DCAF5: variants seen among roughly 807,000 people sequenced by gnomAD.
The protein encoded by DCAF5 is DDB1 and CUL4 associated factor 5, also known as DDB1- and CUL4-associated factor 5.
Under a neutral mutation model 80.7 loss-of-function variants are expected in DCAF5, and 9 were observed. That is an observed-to-expected ratio of 0.11 (90% confidence interval 0.07 to 0.19). The LOEUF is 0.19. Ranked by LOEUF, DCAF5 falls within the 10% of genes least tolerant of loss-of-function variation. DCAF5 has a pLI of 1.00. For synonymous variants in DCAF5, 433 were observed against 461.9 expected, an observed-to-expected ratio of 0.94 and a Z score of 0.80; for missense variants, 842 against 1,205.7, an observed-to-expected ratio of 0.70 and a Z score of 4.47.
At chr14:69,104,734 G>A (rs117870589) in intron 5 of DCAF5, among the ~76,000 whole-genome samples, 12,364 of 152,080 alleles carry the variant, frequency 0.081, 711 homozygotes, top group Non-Finnish European at 0.12. Context: ...GCGGGCGCCT[G>A]TAATCCCAGC....
Position 69,055,899 on chromosome 14 carries a change from A to C in DCAF5, c.1075-288T>G, listed in dbSNP as rs183611040. The stretch of plus-strand genomic sequence containing the variant: ...TCCTGTCTCTTGGCCCAGGGTAATC[A>C]CATACTTTCTCCACCAGAATCTTCC... On this transcript the variant is annotated intron_variant, in intron 8 of 8. Transcript: ENST00000341516. This position sits in a 1 kb window ranked among gnomAD's most constrained non-coding sequence, Gnocchi z 5.6. Among the ~76,000 whole-genome samples, 1 of 152,328 alleles carries C rather than the reference A, an allele frequency of 6.6e-6. No homozygotes were observed. The highest frequency in any genetic ancestry group is 1.9e-4 in the East Asian group (1 of 5,182).
At position 69,051,468 on chromosome 14, in the gene DCAF5, T is replaced by C. The variant is rs1444338191; in HGVS notation, c.*2389A>G. ...GCATTTCTCACCCTGCTCATGTGTG[T>C]GTCTTATGGGGCCTATCACCCGGTA... On this transcript the variant is annotated 3_prime_UTR_variant, in exon 9 of 9. Transcript: ENST00000341516. The C allele has an allele frequency of 6.6e-6, 1 of 152,182 alleles. No individual in the cohort carries two copies. Among genetic ancestry groups the C allele is most frequent in the African/African-American group, 2.4e-5 (1 of 41,440 alleles). 9.4% of individuals were successfully genotyped at this position (152,182 alleles called of 1,614,324 possible).
At chr14:69,099,896 A>G (rs1343883358) in intron 5 of DCAF5, among the ~76,000 whole-genome samples, 1 of 152,202 alleles carries the variant, frequency 6.6e-6, no homozygotes, top group East Asian at 1.9e-4. Flanking sequence ...GGGTGACAGA[A>G]TAAGACACTG....
intron 6 of DCAF5, among the ~76,000 whole-genome samples, chr14:69,086,634 A>AG (rs1344830725): frequency 3.3e-5 from 5 of 152,180 alleles, no homozygotes; most frequent in Admixed American, 6.5e-5. Flanking sequence ...AAAAAAAAAA[A>AG]AAAAGCAAAG....
intron 1 of DCAF5, among the ~76,000 whole-genome samples, chr14:69,127,173 A>G (rs1363801807): frequency 1.3e-5 from 2 of 152,252 alleles, no homozygotes; most frequent in Non-Finnish European, 2.9e-5. Context: ...ATCTACACAA[A>G]GACCTGTACA....
intron 7 of DCAF5, among the ~76,000 whole-genome samples, chr14:69,070,456 G>A (rs2038641852): frequency 6.6e-6 from 1 of 152,150 alleles, no homozygotes; most frequent in Non-Finnish European, 1.5e-5. Flanking sequence ...CACAATATAA[G>A]GCAGAGGTAG....
chr14:69,055,555 C>T lies in DCAF5; in HGVS notation c.1131G>A (p.Glu377=). 3 of 1,612,110 alleles carry T rather than the reference C, an allele frequency of 1.9e-6. No homozygotes were observed. The highest frequency in any genetic ancestry group is 2.5e-6 in the Non-Finnish European group (3 of 1,178,254). ...GGGTATAGAGGCAGCGGGAATCGTC[C>T]TCAATCCGACCGTCGAGGTCTCCAG... ...GCTGDLDGRI[E]DDSRCLYTHE... The change falls in exon 9 of 9, where the codon GAG becomes GAA. Residue 377 remains glutamate (E), a synonymous_variant. Transcript: ENST00000341516. The surrounding 1 kb of genome is among the most constrained non-coding windows in gnomAD (Gnocchi z 5.6).
chr14:69,141,352 T>C (rs112009200), intron 1 of DCAF5, among the ~76,000 whole-genome samples: 11 of 150,214 alleles, frequency 7.3e-5, no homozygotes, highest in Non-Finnish European at 1.3e-4. Flanking sequence ...CCTTTTTTTT[T>C]CTTTTTCTTT....
Position 69,153,013 on chromosome 14 carries a change from C to A in DCAF5, c.-35G>T. The A allele has an allele frequency of 6.6e-7, 1 of 1,507,308 alleles. No individual in the cohort carries two copies. The highest frequency in any genetic ancestry group is 1.3e-5 in the South Asian group (1 of 78,982). The allele number at this position is 1,507,308 out of a possible 1,614,324, so 93.4% of individuals were successfully genotyped here. ...GCCGCCGCCGCCGCTCGCGCCGCCG[C>A]CCCTCCCTCGGCCTCACGCGCGGCC... On this transcript the variant is annotated 5_prime_UTR_variant, in exon 1 of 9. Transcript: ENST00000341516.
intron 6 of DCAF5, chr14:69,084,231 T>C (rs2039229342): frequency 2.0e-6 from 2 of 1,017,500 alleles, no homozygotes; most frequent in African/African-American, 1.6e-5. Flanking sequence ...TATGGGTTGA[T>C]AATGGGTGGC....
rs146909727 is a variant in DCAF5, at chr14:69,112,545, C to CT, written c.665+3820dup. 7.5e-3 allele frequency among the ~76,000 whole-genome samples: 1,038 copies of CT among 138,020 alleles called. 6 individuals are homozygous for CT. Among genetic ancestry groups the CT allele is most frequent in the Non-Finnish European group, 0.013 (828 of 64,180 alleles). 90.5% of individuals were successfully genotyped at this position (138,020 alleles called of 152,430 possible). On this transcript the variant is annotated intron_variant, in intron 5 of 8. Transcript: ENST00000341516. ...GAGATCCTGTCTCTAAAAATAAAAA[C>CT]TAAAAAAAAGAAAAAAACAGGGGAA...
intron 7 of DCAF5, among the ~76,000 whole-genome samples, chr14:69,066,536 C>G (rs749142827): frequency 1.3e-5 from 2 of 152,138 alleles, no homozygotes; most frequent in Non-Finnish European, 2.9e-5. Context: ...GTAGGGAAGA[C>G]TATAACCATA....
Position 69,059,690 on chromosome 14 carries a change from G to A in DCAF5, c.1074+2694C>T, listed in dbSNP as rs531939650. ...CACCTGCCTTCCTGCAATGCTTAGTGCCATGCCATTCCCAGCCAGACTGTG... is the reference window on the plus strand; with the variant it reads ...CACCTGCCTTCCTGCAATGCTTAGTACCATGCCATTCCCAGCCAGACTGTG... On this transcript the variant is annotated intron_variant, in intron 8 of 8. Transcript: ENST00000341516. Among the ~76,000 whole-genome samples the A allele has an allele frequency of 3.3e-4, 51 of 152,262 alleles. 2 individuals carry two copies. The South Asian group carries it at 9.7e-3, about 29-fold the overall frequency.
chr14:69,102,193 C>T (rs920884158), intron 5 of DCAF5, among the ~76,000 whole-genome samples: 2 of 149,954 alleles, frequency 1.3e-5, no homozygotes, highest in African/African-American at 4.9e-5. Flanking sequence ...ACTGCAACCT[C>T]CGCCTCCTGA....
chr14:69,065,096 CTTT>C (rs34005299), intron 7 of DCAF5, among the ~76,000 whole-genome samples: 5 of 120,322 alleles, frequency 4.2e-5, no homozygotes, highest in African/African-American at 1.3e-4. Context: ...AATATGACCT[CTTT>C]TTTTTTTTTT....
In DCAF5 at chr14:69,091,869, A is replaced by G. The variant is rs375501845; in HGVS notation, c.684T>C (p.Gly228=). ...TGGCACTTTGGAGGGACAGGTTTCC[A>G]CCATAGCGCAGGAGAGAACTGGAAG... The part of the protein sequence containing the change: ...RKPQSSLLRY[G]GNLSLQSAMS... Residue 228 remains glycine, a synonymous_variant, in exon 6 of 9, where the codon GGT becomes GGC. Transcript: ENST00000341516. 3.3e-5 allele frequency: 53 copies of G among 1,612,862 alleles called. No individual in the cohort carries two copies. Among genetic ancestry groups the G allele is most frequent in the Non-Finnish European group, 4.2e-5 (49 of 1,179,484 alleles).
chr14:69,092,888 A>T (rs972922326), intron 5 of DCAF5, among the ~76,000 whole-genome samples: 1 of 152,222 alleles, frequency 6.6e-6, no homozygotes, highest in Non-Finnish European at 1.5e-5. Flanking sequence ...AACTTCATTT[A>T]TCTAGTTTCA....
At chr14:69,140,755 C>T (rs1383266890) in intron 1 of DCAF5, among the ~76,000 whole-genome samples, 5 of 151,874 alleles carry the variant, frequency 3.3e-5, no homozygotes, top group Non-Finnish European at 7.4e-5. Flanking sequence ...CCTTTTTTTT[C>T]CCTTTCTAAT....
At chr14:69,122,142 A>C in intron 2 of DCAF5, 75 bp downstream of exon 2, 4 of 1,534,742 alleles carry the variant, frequency 2.6e-6, no homozygotes, top group Admixed American at 1.8e-5. Context: ...AAGAAAAATA[A>C]GGAGTTATTT....
Sources: gnomAD v4.1 joint callset for allele counts (sites outside exome capture counted in the v4.1 genomes callset) on GRCh38, gnomAD v4.1.1 for gene constraint, Gnocchi (gnomAD v3.1) non-coding constraint, MANE v1.5 for transcripts, NCBI Gene and HGNC (gene_info 2026-07-23, HGNC 2026-07-21) for gene names.